The following ERG variants were observed in gnomAD, a reference collection of about 807,000 sequenced individuals.
ERG encodes the protein transcriptional regulator ERG.
A neutral mutation model predicts 55.3 loss-of-function variants in ERG; 9 were observed. That is an observed-to-expected ratio of 0.16 (90% CI 0.10 to 0.28). The LOEUF (loss-of-function observed/expected upper bound fraction) is 0.28. Among genes scored for constraint, ERG ranks in the 10% least tolerant of loss-of-function variants. ERG has a pLI of 1.00. For missense variants in ERG, 434 were observed against 631.6 expected (o/e 0.69, Z 3.35); for synonymous variants, 223 against 237.3 (o/e 0.94, Z 0.55).
chr21:38,479,416 G>A (rs2059217391), intron 1 of ERG, among the ~76,000 whole-genome samples: 1 of 152,044 alleles, frequency 6.6e-6, no homozygotes, highest in African/African-American at 2.4e-5. Context: ...ACGTCCACCT[G>A]GAACCTCAGA....
At chr21:38,557,247 G>C (rs886366719) in intron 2 of ERG, among the ~76,000 whole-genome samples, 8 of 152,216 alleles carry the variant, frequency 5.3e-5, no homozygotes, top group Non-Finnish European at 1.2e-4. Flanking sequence ...GGAGAAATTT[G>C]AGACTTTCTC....
chr21:38,461,721 C>T (rs1228345228), intron 1 of ERG, among the ~76,000 whole-genome samples: 2 of 152,224 alleles, frequency 1.3e-5, no homozygotes, highest in Non-Finnish European at 2.9e-5. Flanking sequence ...AAAACAATGC[C>T]ACTTCTCATT....
intron 1 of ERG, among the ~76,000 whole-genome samples, chr21:38,481,291 C>T (rs2059236100): frequency 6.6e-6 from 1 of 152,204 alleles, no homozygotes. Context: ...TTTCAATATG[C>T]ATCATTTATT....
intron 2 of ERG, among the ~76,000 whole-genome samples, chr21:38,540,096 A>G (rs1233403183): frequency 6.6e-6 from 1 of 151,862 alleles, no homozygotes; most frequent in Non-Finnish European, 1.5e-5. Flanking sequence ...GGGTTTCACA[A>G]TGTTGGCCAG....
chr21:38,513,104 C>T (rs2059526019), intron 2 of ERG, among the ~76,000 whole-genome samples: 1 of 149,190 alleles, frequency 6.7e-6, no homozygotes, highest in South Asian at 2.2e-4. Flanking sequence ...GCACTCGAGC[C>T]TGACAACAGA....
intron 1 of ERG, among the ~76,000 whole-genome samples, chr21:38,457,246 C>A (rs984368559): frequency 1.3e-5 from 2 of 152,094 alleles, no homozygotes; most frequent in Non-Finnish European, 2.9e-5. Flanking sequence ...AACATCCTGG[C>A]TAACATGGTG....
chr21:38,478,669 C>G (rs937964635), intron 1 of ERG, among the ~76,000 whole-genome samples: 1 of 152,204 alleles, frequency 6.6e-6, no homozygotes, highest in Non-Finnish European at 1.5e-5. Context: ...TATTTGGAAT[C>G]TGACCCATTT....
intron 2 of ERG, among the ~76,000 whole-genome samples, chr21:38,436,927 T>G (rs552625102): frequency 1.8e-3 from 272 of 149,632 alleles, no homozygotes; most frequent in African/African-American, 6.6e-3. Context: ...AGAGTCTTGC[T>G]CTGTCACTGG....
chr21:38,616,700 C>A (rs2060261364), intron 1 of ERG, among the ~76,000 whole-genome samples: 1 of 152,170 alleles, frequency 6.6e-6, no homozygotes, highest in Non-Finnish European at 1.5e-5. Flanking sequence ...AGAAAACATT[C>A]AACCTCTAAG....
intron 1 of ERG, among the ~76,000 whole-genome samples, chr21:38,615,579 T>C (rs77770336): frequency 2.6e-5 from 4 of 151,146 alleles, no homozygotes; most frequent in African/African-American, 4.9e-5. Flanking sequence ...TTCTAATTAG[T>C]AGACACCATC....
intron 3 of ERG, among the ~76,000 whole-genome samples, chr21:38,412,299 T>C (rs1989095043): frequency 6.6e-6 from 1 of 152,224 alleles, no homozygotes; most frequent in African/African-American, 2.4e-5. Flanking sequence ...CTTTTCTTCA[T>C]TCACTTTTTT....
At chr21:38,543,046 A>T (rs1172476293) in intron 2 of ERG, among the ~76,000 whole-genome samples, 1 of 152,162 alleles carries the variant, frequency 6.6e-6, no homozygotes, top group African/African-American at 2.4e-5. Flanking sequence ...TGGGTGGCCC[A>T]CCGGAGAGAA....
intron 6 of ERG, among the ~76,000 whole-genome samples, chr21:38,397,244 A>G (rs1988265772): frequency 6.6e-6 from 1 of 152,128 alleles, no homozygotes; most frequent in African/African-American, 2.4e-5. Context: ...CTGACAGGGA[A>G]GCAGTCAGGG....
chr21:38,406,537 C>G (rs1480158264), intron 3 of ERG, among the ~76,000 whole-genome samples: 2 of 152,142 alleles, frequency 1.3e-5, no homozygotes. Context: ...TTGTTCAGCC[C>G]TCACAGAGAG....
chr21:38,657,503 TC>T (rs2060526432), intron 1 of ERG, among the ~76,000 whole-genome samples: 3 of 152,204 alleles, frequency 2.0e-5, no homozygotes, highest in African/African-American at 7.2e-5. Flanking sequence ...TTCACTACCT[TC>T]ACTAGACTTT....
intron 1 of ERG, among the ~76,000 whole-genome samples, chr21:38,456,174 A>G (rs938565962): frequency 9.2e-5 from 14 of 152,256 alleles, no homozygotes; most frequent in African/African-American, 3.4e-4. Context: ...AGACATGCAG[A>G]TAAGGTAGAA....
intron 1 of ERG, among the ~76,000 whole-genome samples, chr21:38,599,421 G>A (rs1376982724): frequency 1.3e-5 from 2 of 152,196 alleles, no homozygotes; most frequent in African/African-American, 2.4e-5. Flanking sequence ...TGCATTCCAT[G>A]AACAAGGGGC....
At chr21:38,642,950 A>C (rs1431844861) in intron 1 of ERG, among the ~76,000 whole-genome samples, 1 of 152,268 alleles carries the variant, frequency 6.6e-6, no homozygotes, top group African/African-American at 2.4e-5. Flanking sequence ...CTTCGCAGCA[A>C]GAATGGCAGA....
chr21:38,588,817 A>G (rs922992089), upstream of ERG, among the ~76,000 whole-genome samples: 4 of 152,194 alleles, frequency 2.6e-5, no homozygotes, highest in Middle Eastern at 3.4e-3. Flanking sequence ...CCCTGGCTCA[A>G]GTGATCCTCC....
Sources: allele counts gnomAD v4.1 joint callset (sites outside exome capture counted in the v4.1 genomes callset), GRCh38; gene constraint gnomAD v4.1.1; transcripts MANE v1.5; gene names NCBI Gene and HGNC (gene_info 2026-07-23, HGNC 2026-07-21).